Variants in PSD3 observed in about 807,000 individuals in gnomAD.
PSD3 encodes PH and SEC7 domain-containing protein 3.
A neutral mutation model predicts 105.5 loss-of-function variants in PSD3; 49 were observed. The ratio of observed to expected loss-of-function variants is 0.46; its 90% CI spans 0.37 to 0.59. PSD3 has a LOEUF of 0.59. PSD3 is among the 20% of genes least tolerant of loss of function. The pLI is 0.00. For synonymous variants in PSD3, 557 were observed against 457.8 expected (o/e 1.22, Z -2.77); for missense variants, 1,561 against 1,263.8 (o/e 1.24, Z -3.57).
chr8:18,675,843 C>G (rs1392765677), intron 9 of PSD3, among the ~76,000 whole-genome samples: 1 of 152,192 alleles, frequency 6.6e-6, no homozygotes, highest in African/African-American at 2.4e-5. Context: ...CACAGCTACT[C>G]TTGGTCTCTG....
intron 1 of PSD3, among the ~76,000 whole-genome samples, chr8:19,047,523 T>A (rs1306447806): frequency 2.0e-5 from 3 of 151,940 alleles, no homozygotes; most frequent in Non-Finnish European, 4.4e-5. Flanking sequence ...AGGGGGTAAA[T>A]GAATGGAGGA....
chr8:19,034,047 A>G (rs1448950328), intron 1 of PSD3, among the ~76,000 whole-genome samples: 2 of 152,220 alleles, frequency 1.3e-5, no homozygotes, highest in Non-Finnish European at 2.9e-5. Flanking sequence ...ATGTGAAAAC[A>G]CAATGGGCCA....
chr8:18,825,378 C>A (rs1209755019), intron 4 of PSD3, among the ~76,000 whole-genome samples: 1 of 152,156 alleles, frequency 6.6e-6, no homozygotes, highest in Admixed American at 6.5e-5. Context: ...AGGTACCACC[C>A]CCAAGAGTCA....
chr8:18,749,774 G>A (rs750216791), intron 9 of PSD3, among the ~76,000 whole-genome samples: 2 of 152,140 alleles, frequency 1.3e-5, no homozygotes, highest in Non-Finnish European at 2.9e-5. Context: ...CTTTCAAAAT[G>A]GAGGTAGCGG....
intron 14 of PSD3, among the ~76,000 whole-genome samples, chr8:18,571,896 T>TAGTA: frequency 6.6e-6 from 1 of 151,780 alleles, no homozygotes; most frequent in South Asian, 2.1e-4. Context: ...CAAACCTAGC[T>TAGTA]GGTAGGTAGT....
At chr8:19,012,812 T>A (rs1342307716) in intron 1 of PSD3, among the ~76,000 whole-genome samples, 2 of 152,222 alleles carry the variant, frequency 1.3e-5, no homozygotes, top group Non-Finnish European at 2.9e-5. Flanking sequence ...ACTCAAGAGT[T>A]ATTCTGGAGC....
chr8:18,935,593 A>T (rs959961386), intron 2 of PSD3, among the ~76,000 whole-genome samples: 2 of 151,246 alleles, frequency 1.3e-5, no homozygotes, highest in African/African-American at 4.9e-5. Flanking sequence ...GCTAGTTGGG[A>T]GGCTGAGGCA....
intron 14 of PSD3, among the ~76,000 whole-genome samples, chr8:18,564,768 G>A (rs558255109): frequency 6.6e-6 from 1 of 152,228 alleles, no homozygotes; most frequent in Admixed American, 6.5e-5. Context: ...CTGCCCGTAA[G>A]GTCAGCTCCA....
intron 2 of PSD3, among the ~76,000 whole-genome samples, chr8:18,930,359 G>C (rs1177188779): frequency 1.3e-5 from 2 of 152,102 alleles, no homozygotes; most frequent in East Asian, 3.9e-4. Flanking sequence ...ACACTGCAAA[G>C]TCTACCACTT....
chr8:18,559,297 A>T (rs1801255046), intron 14 of PSD3, among the ~76,000 whole-genome samples: 1 of 152,176 alleles, frequency 6.6e-6, no homozygotes, highest in Admixed American at 6.5e-5. Context: ...ATACTTGTAA[A>T]TTGTTGCTAA....
chr8:18,970,484 A>C (rs1824580151), intron 1 of PSD3, among the ~76,000 whole-genome samples: 1 of 152,034 alleles, frequency 6.6e-6, no homozygotes, highest in Non-Finnish European at 1.5e-5. Flanking sequence ...TTCTAATTAG[A>C]CTGTAATTTT....
Position 18,871,673 on chromosome 8 carries a change from G to T in PSD3, c.1191C>A (p.Asn397Lys). 1 of 1,613,454 alleles carries T rather than the reference G, an allele frequency of 6.2e-7. No homozygotes were observed. The highest frequency in any genetic ancestry group is 1.7e-5 in the Admixed American group (1 of 59,950). ...TAGGTGTCTTCTCAAGATGCTGTTT[G>T]TTTTCCTGTAGGAAGACTTCATCCT... The part of the protein sequence containing the change: ...SGEDEVFLQE[N>K]KQHLEKTPKP... Residue 397 changes from asparagine to lysine, a missense_variant, in exon 3 of 16, where the codon AAC becomes AAA. Transcript: ENST00000327040.
chr8:18,806,497 G>A (rs906341358), intron 4 of PSD3, among the ~76,000 whole-genome samples: 2 of 152,188 alleles, frequency 1.3e-5, no homozygotes, highest in Admixed American at 6.5e-5. Flanking sequence ...TAACTTGGAA[G>A]TAAGACATGC....
At chr8:18,674,144 TA>T (rs61430723) in intron 9 of PSD3, among the ~76,000 whole-genome samples, 60 of 145,346 alleles carry the variant, frequency 4.1e-4, no homozygotes, top group South Asian at 4.4e-4. Context: ...AAACTTGTCT[TA>T]AAAAAAAAAA....
At chr8:19,063,997 C>T (rs1449482936) in intron 1 of PSD3, among the ~76,000 whole-genome samples, 1 of 151,910 alleles carries the variant, frequency 6.6e-6, no homozygotes, top group Non-Finnish European at 1.5e-5. Flanking sequence ...CAAAATTAGC[C>T]AGGCGTGGTG....
intron 1 of PSD3, among the ~76,000 whole-genome samples, chr8:19,028,285 C>CAT (rs1469728513): frequency 8.8e-6 from 1 of 113,052 alleles, no homozygotes; most frequent in Non-Finnish European, 1.9e-5. Context: ...ACCACCCCCC[C>CAT]CCCCCGGCCC....
In PSD3 at chr8:18,564,559, G is replaced by A. The variant is rs183497156; in HGVS notation, c.2784+7969C>T. On this transcript the variant is annotated intron_variant, in intron 14 of 15. Transcript: ENST00000327040. ...CAGGACAATCACTTGAACCTGGGAG[G>A]TGGAGGTTGCAGTGAGCCAAGATGG... 1.8e-4 allele frequency among the ~76,000 whole-genome samples: 27 copies of A among 152,022 alleles called. 1 individual carries two copies. Among genetic ancestry groups the A allele is most frequent in the Middle Eastern group, 3.4e-3 (1 of 294 alleles).
At chr8:18,925,070 C>T (rs974976099) in intron 2 of PSD3, among the ~76,000 whole-genome samples, 5 of 152,140 alleles carry the variant, frequency 3.3e-5, no homozygotes, top group African/African-American at 1.2e-4. Context: ...TATCCAGAGT[C>T]ATACAATTAA....
At chr8:18,607,381 C>T (rs187035910) in intron 11 of PSD3, among the ~76,000 whole-genome samples, 1 of 152,088 alleles carries the variant, frequency 6.6e-6, no homozygotes, top group Non-Finnish European at 1.5e-5. Context: ...CAAGATTTGA[C>T]CTGTATAAAC....
Sources: allele counts gnomAD v4.1 joint callset (sites outside exome capture counted in the v4.1 genomes callset), GRCh38; gene constraint gnomAD v4.1.1; transcripts MANE v1.5; gene names NCBI Gene and HGNC (gene_info 2026-07-23, HGNC 2026-07-21).